Variants in SLC25A22 observed in about 807,000 individuals in gnomAD.
The protein encoded by SLC25A22 is solute carrier family 25 member 22.
SLC25A22 carries 23 observed loss-of-function variants against 33.7 expected under a neutral mutation model. The ratio of observed to expected loss-of-function variants is 0.68; its 90% CI spans 0.49 to 0.97. The LOEUF (loss-of-function observed/expected upper bound fraction) is 0.97, where lower values mean the gene tolerates loss of function less well. SLC25A22 is among the 50% of genes least tolerant of loss of function. SLC25A22 has a pLI of 0.00. For synonymous variants in SLC25A22, 245 were observed against 203.8 expected (o/e 1.20, Z -1.72); for missense variants, 390 against 451.1 (o/e 0.86, Z 1.23).
intron 1 of SLC25A22, chr11:797,430 G>T (rs1864885744): frequency 7.6e-6 from 3 of 395,702 alleles, no homozygotes; most frequent in African/African-American, 2.1e-5. Flanking sequence ...AAACCCTGCA[G>T]CCCCAGCCGG....
chr11:793,929 C>T, intron 4 of SLC25A22: 2 of 499,702 alleles, frequency 4.0e-6, no homozygotes, highest in South Asian at 2.0e-5. Context: ...GATACCTCTC[C>T]CTCCCTGGAG....
intron 1 of SLC25A22, chr11:796,258 C>T (rs758943983): frequency 1.5e-4 from 9 of 59,712 alleles, no homozygotes; most frequent in Non-Finnish European, 2.5e-4. Flanking sequence ...GGGAAGCTGC[C>T]GGGGGAGGAG....
At chr11:795,745 G>C (rs1312842331) in intron 1 of SLC25A22, 2 of 150,760 alleles carry the variant, frequency 1.3e-5, no homozygotes. Context: ...CCAGCCCCTT[G>C]CCCGCCCCTT....
rs1461046318 is a variant in SLC25A22, at chr11:792,964, C to G, written c.318G>C (p.Glu106Asp). The G allele has an allele frequency of 6.2e-7, 1 of 1,613,524 alleles. No homozygotes were observed. Among genetic ancestry groups the G allele is most frequent in the South Asian group, 1.1e-5 (1 of 91,078 alleles). The change falls in exon 6 of 10, where the codon GAG becomes GAC. Residue 106 changes from glutamate to aspartate, a missense_variant. Physicochemically the swap from Glu to Asp is conservative, Grantham distance 45 (BLOSUM62 2). Coordinates refer to ENST00000628067, the MANE Select transcript of SLC25A22 (RefSeq NM_001191061.2). ...TGCCAGCCCCACAGCCCGCCAGCAT[C>G]TCTTTAAGCAGGGTCAGCTTCTGCC... ...KDGQKLTLLK[E>D]MLAGCGAGTC...
rs1864479222 is a variant in SLC25A22 at position 790,854 on chromosome 11, G to A, written c.*1061C>T. 6.6e-6 allele frequency: 1 copy of A among 152,254 alleles called. No homozygotes were observed. 9.4% of individuals were successfully genotyped at this position (152,254 alleles called of 1,614,324 possible). ...GTGGTCAGGGGCCTTATGCCCGGAG[G>A]CGGGAAGGATGGGGCTTCTGCAGTG... On this transcript the variant is annotated 3_prime_UTR_variant, in exon 10 of 10. Coordinates refer to ENST00000628067, the MANE Select transcript of SLC25A22 (RefSeq NM_001191061.2).
At chr11:795,613 G>A (rs1046668593) in intron 1 of SLC25A22, 1 of 213,762 alleles carries the variant, frequency 4.7e-6, no homozygotes, top group Non-Finnish European at 9.6e-6. Context: ...TAGGGGCTGG[G>A]GTCCCGGGCG....
At position 792,084 on chromosome 11, in the gene SLC25A22, G is replaced by A. The variant is rs572751087; in HGVS notation, c.819-16C>T. 6.8e-5 allele frequency: 108 copies of A among 1,598,806 alleles called. No individual in the cohort carries two copies. The highest frequency in any genetic ancestry group is 7.8e-5 in the Non-Finnish European group (92 of 1,173,120). ...CAGGATCTTCCTGTGGAGGAAGGAC[G>A]AAAGGGTCAGCCCGGTACGCAGGCC... On this transcript the variant is annotated splice_polypyrimidine_tract_variant and intron_variant, in intron 9 of 9. Transcript: ENST00000628067.
At chr11:794,694 G>T (rs1007205106) in intron 3 of SLC25A22, 82 bp downstream of exon 3, 3 of 1,549,870 alleles carry the variant, frequency 1.9e-6, no homozygotes, top group South Asian at 2.4e-5. Context: ...GTCAAACAGG[G>T]TGGGGGGCAC....
At chr11:798,156 C>T (rs943651148) in intron 1 of SLC25A22, 61 bp downstream of exon 1, 8 of 397,918 alleles carry the variant, frequency 2.0e-5, no homozygotes, top group African/African-American at 1.6e-4. Flanking sequence ...ACCTCTCGCC[C>T]CCGCAGCCCG....
At chr11:797,397 C>T (rs1233902447) in intron 1 of SLC25A22, 7 of 388,384 alleles carry the variant, frequency 1.8e-5, no homozygotes, top group Non-Finnish European at 3.2e-5. Context: ...CAGGGCCCTC[C>T]CCCTGCACTG....
At chr11:794,248 G>A (rs1366238494) in intron 4 of SLC25A22, 3 of 713,338 alleles carry the variant, frequency 4.2e-6, no homozygotes, top group East Asian at 5.4e-5. Flanking sequence ...CACTAAGTGG[G>A]GGTGGGGAGC....
intron 1 of SLC25A22, chr11:795,831 GGGTGGGGGAT>G (rs1864797073): frequency 6.4e-6 from 1 of 156,598 alleles, no homozygotes; most frequent in Admixed American, 6.2e-5. Context: ...GAAGCCTTGG[GGGTGGGGGAT>G]GGCTGGCCTT....
Position 791,864 on chromosome 11 carries a change from C to T in SLC25A22, c.*51G>A, listed in dbSNP as rs1487919653. ...CCGTCCTGGGCTAGCTGCCTGGCTCCAGCCCCACACCGGCCCTGCCCAGCT... is the reference window on the plus strand; with the variant it reads ...CCGTCCTGGGCTAGCTGCCTGGCTCTAGCCCCACACCGGCCCTGCCCAGCT... On this transcript the variant is annotated 3_prime_UTR_variant, in exon 10 of 10. Transcript: ENST00000628067. 6.5e-7 allele frequency: 1 copy of T among 1,542,278 alleles called. No homozygotes were observed. The highest frequency in any genetic ancestry group is 8.7e-7 in the Non-Finnish European group (1 of 1,150,650).
chr11:792,270 C>T (rs1271759014), intron 8 of SLC25A22, 34 bp downstream of exon 8: 1 of 1,612,936 alleles, frequency 6.2e-7, no homozygotes, highest in African/African-American at 1.3e-5. Flanking sequence ...CAGTCCCGCC[C>T]CATCCCCAGC....
chr11:793,037 G>A (rs539379159), intron 5 of SLC25A22, 49 bp from the exon 6 acceptor site: 12 of 1,565,856 alleles, frequency 7.7e-6, no homozygotes, highest in African/African-American at 6.8e-5. Flanking sequence ...AGGTCTACCT[G>A]CCACCCTCGG....
At position 790,892 on chromosome 11, in the gene SLC25A22, T is replaced by TTA. The variant is rs1590115782; in HGVS notation, c.*1021_*1022dup. 6.6e-6 allele frequency: 1 copy of TTA among 152,428 alleles called. No homozygotes were observed. 9.4% of individuals were successfully genotyped at this position (152,428 alleles called of 1,614,324 possible). A position where few individuals can be genotyped will look rare whatever the true frequency, so the allele number is the denominator to read the frequency against. On this transcript the variant is annotated 3_prime_UTR_variant, in exon 10 of 10. Coordinates refer to ENST00000628067, the MANE Select transcript of SLC25A22 (RefSeq NM_001191061.2). ...GGCTTCTGCAGTGTACCCAGGGGCC[T>TTA]TATGCAGAGGCTGAAAAAGGAGGGT...
rs1277945229 is a variant in SLC25A22 at position 792,829 on chromosome 11, C to T, written c.412+41G>A. 5 of 1,325,538 alleles carry T rather than the reference C, an allele frequency of 3.8e-6. No homozygotes were observed. The African/African-American group carries it at 5.8e-5, about 15-fold the overall frequency. 82.1% of individuals were successfully genotyped at this position (1,325,538 alleles called of 1,614,324 possible). ...CACCCTCCCCTCGCCCTCACCTCTT[C>T]CCGCACCTCTGCCCTCTCCTCCCCC... is the stretch of plus-strand genomic sequence containing the variant. On this transcript the variant is annotated intron_variant, in intron 6 of 9. Transcript: ENST00000628067.
intron 1 of SLC25A22, 46 bp from the exon 2 acceptor site, chr11:795,215 A>C: frequency 1.5e-6 from 1 of 686,882 alleles, no homozygotes; most frequent in Non-Finnish European, 2.6e-6. Context: ...GGGCCACCCG[A>C]AGAGTAATCC....
At position 792,914 on chromosome 11, in the gene SLC25A22, G is replaced by C. The variant is rs780564192; in HGVS notation, c.368C>G (p.Pro123Arg). 1 of 1,613,160 alleles carries C rather than the reference G, an allele frequency of 6.2e-7. No individual in the cohort carries two copies. Among genetic ancestry groups the C allele is most frequent in the Non-Finnish European group, 8.5e-7 (1 of 1,179,896 alleles). The change falls in exon 6 of 10, where the codon CCC becomes CGC. Residue 123 changes from proline (P) to arginine (R), a missense_variant. Transcript: ENST00000628067. ...CAGCTGGATCTTCAGCATCTCCATG[G>C]GCGTGGTCACGATCACCTGGCAGGT... ...AGTCQVIVTT[P>R]MEMLKIQLQD...
Sources: allele counts gnomAD v4.1 joint callset, GRCh38; gene constraint gnomAD v4.1.1; transcripts MANE v1.5; gene names NCBI Gene and HGNC (gene_info 2026-07-23, HGNC 2026-07-21).